TSPAN5: variants seen among roughly 807,000 people sequenced by gnomAD.
TSPAN5 encodes tetraspanin-5.
TSPAN5 carries 10 observed loss-of-function variants against 37.1 expected under a neutral mutation model. The observed-to-expected ratio is 0.27, with a 90% CI of 0.17 to 0.46. TSPAN5 has a LOEUF of 0.46. TSPAN5 is among the 20% of genes least tolerant of loss of function. The probability of loss-of-function intolerance (pLI) is 1.00; values close to 1 mark genes in which losing one functional copy is unlikely to be tolerated. For missense variants in TSPAN5, 195 were observed against 326.6 expected, an observed-to-expected ratio of 0.60 and a Z score of 3.11; for synonymous variants, 110 against 118.9, an observed-to-expected ratio of 0.93 and a Z score of 0.48.
chr4:98,576,539 A>C (rs999326947), intron 1 of TSPAN5, among the ~76,000 whole-genome samples: 1 of 152,128 alleles, frequency 6.6e-6, no homozygotes, highest in Non-Finnish European at 1.5e-5. Context: ...CAGAAGTTCG[A>C]GACCAGCTTG....
intron 1 of TSPAN5, among the ~76,000 whole-genome samples, chr4:98,621,855 C>T (rs898320175): frequency 4.1e-5 from 6 of 147,720 alleles, no homozygotes; most frequent in South Asian, 2.3e-4. Context: ...CTATTCTGTA[C>T]GTTTCATATA....
intron 1 of TSPAN5, among the ~76,000 whole-genome samples, chr4:98,614,300 T>TCCC (rs1404752048): frequency 1.3e-5 from 2 of 152,118 alleles, no homozygotes; most frequent in Non-Finnish European, 2.9e-5. Flanking sequence ...ACTCACAGGC[T>TCCC]CCCCCTCTTC....
rs62323630 is a variant in TSPAN5 at position 98,579,012 on chromosome 4, A to G, written c.82-71284T>C. Among the ~76,000 whole-genome samples, 311 of 152,246 alleles carry G rather than the reference A, an allele frequency of 2.0e-3. 2 individuals carry two copies. Among genetic ancestry groups the G allele is most frequent in the South Asian group, 4.6e-3 (22 of 4,818 alleles). On this transcript the variant is annotated intron_variant, in intron 1 of 7. Transcript: ENST00000305798. The stretch of plus-strand genomic sequence containing the variant: ...CCTGTGTGCATTAAAACATAGATAA[A>G]TATCCCCCATGTAGTTACTAATACC...
intron 1 of TSPAN5, among the ~76,000 whole-genome samples, chr4:98,627,845 G>T (rs933929090): frequency 6.6e-6 from 1 of 152,156 alleles, no homozygotes; most frequent in Non-Finnish European, 1.5e-5. Flanking sequence ...CTGCTGTTGT[G>T]AGCCAAAGAG....
rs934352994 is a variant in TSPAN5, at chr4:98,470,377, C to G, written c.*2145G>C. ...GAAAGACACACCATGTAAGGTAGAA[C>G]CAAGTTTATTAATGACAGCCTTTAT... On this transcript the variant is annotated 3_prime_UTR_variant, in exon 8 of 8. Coordinates refer to ENST00000305798, the MANE Select transcript of TSPAN5 (RefSeq NM_005723.4). 1 of 152,172 alleles carries G rather than the reference C, an allele frequency of 6.6e-6. No homozygotes were observed. Among genetic ancestry groups the G allele is most frequent in the African/African-American group, 2.4e-5 (1 of 41,422 alleles). The allele number at this position is 152,172 out of a possible 1,614,324, so 9.4% of individuals were successfully genotyped here. A position where few individuals can be genotyped will look rare whatever the true frequency, so the allele number is the denominator to read the frequency against.
At chr4:98,612,702 C>A (rs1756226984) in intron 1 of TSPAN5, among the ~76,000 whole-genome samples, 1 of 151,834 alleles carries the variant, frequency 6.6e-6, no homozygotes, top group African/African-American at 2.4e-5. Flanking sequence ...CCGCGGGGCT[C>A]CCCCCGCTCC....
chr4:98,653,651 C>G, intron 1 of TSPAN5, among the ~76,000 whole-genome samples: 1 of 152,170 alleles, frequency 6.6e-6, no homozygotes, highest in Middle Eastern at 3.4e-3. Context: ...CTGTATGGAA[C>G]CAGTATAAAA....
chr4:98,542,544 C>T (rs937296472), intron 1 of TSPAN5, among the ~76,000 whole-genome samples: 2 of 151,754 alleles, frequency 1.3e-5, no homozygotes, highest in Non-Finnish European at 2.9e-5. Flanking sequence ...AGCAAGACAC[C>T]CATTCTCTAC....
chr4:98,548,894 T>G (rs994117065), intron 1 of TSPAN5, among the ~76,000 whole-genome samples: 10 of 150,108 alleles, frequency 6.7e-5, no homozygotes, highest in Non-Finnish European at 1.2e-4. Flanking sequence ...AAGGTGTGTG[T>G]GTGTGTGTGT....
intron 7 of TSPAN5, among the ~76,000 whole-genome samples, chr4:98,472,921 A>G (rs1752619228): frequency 6.6e-6 from 1 of 152,180 alleles, no homozygotes; most frequent in African/African-American, 2.4e-5. Context: ...GACATTTCAT[A>G]TCAAGGGAAT....
At chr4:98,511,386 T>C (rs1466105082) in intron 1 of TSPAN5, among the ~76,000 whole-genome samples, 3 of 152,232 alleles carry the variant, frequency 2.0e-5, no homozygotes, top group Non-Finnish European at 4.4e-5. Context: ...CTAGGCTATA[T>C]GGTATAGCCT....
intron 2 of TSPAN5, among the ~76,000 whole-genome samples, chr4:98,504,167 T>C (rs990182097): frequency 6.6e-6 from 1 of 152,222 alleles, no homozygotes; most frequent in South Asian, 2.1e-4. Context: ...AATGTGTTTC[T>C]TCCAGTGGAA....
intron 1 of TSPAN5, among the ~76,000 whole-genome samples, chr4:98,582,254 T>C (rs1369993970): frequency 6.6e-6 from 1 of 152,246 alleles, no homozygotes; most frequent in Admixed American, 6.5e-5. Context: ...ATGTTGCGTT[T>C]GCTGGCTCTG....
At chr4:98,487,002 A>C (rs185242728) in intron 2 of TSPAN5, 118 bp from the exon 3 acceptor site, 4 of 922,836 alleles carry the variant, frequency 4.3e-6, no homozygotes, top group Non-Finnish European at 6.6e-6. Flanking sequence ...AGGGCATCTG[A>C]TTATCAGGTA....
intron 1 of TSPAN5, among the ~76,000 whole-genome samples, chr4:98,648,659 C>T (rs1021246836): frequency 2.6e-5 from 4 of 152,168 alleles, no homozygotes; most frequent in East Asian, 1.9e-4. Context: ...ATAAAATAGG[C>T]CACCTTTTTT....
intron 1 of TSPAN5, among the ~76,000 whole-genome samples, chr4:98,569,318 G>A (rs180794217): frequency 9.2e-5 from 14 of 152,288 alleles, no homozygotes; most frequent in African/African-American, 3.4e-4. Flanking sequence ...TTCCTGAACT[G>A]GGATAACACG....
chr4:98,636,565 G>A (rs745677336), intron 1 of TSPAN5, among the ~76,000 whole-genome samples: 5 of 152,124 alleles, frequency 3.3e-5, no homozygotes, highest in Non-Finnish European at 7.3e-5. Flanking sequence ...AACAATGCAA[G>A]TGAGAAATTA....
At chr4:98,563,942 C>A (rs1257446322) in intron 1 of TSPAN5, among the ~76,000 whole-genome samples, 1 of 152,170 alleles carries the variant, frequency 6.6e-6, no homozygotes, top group Non-Finnish European at 1.5e-5. Flanking sequence ...AATTACCTGG[C>A]CCACTACGTC....
At position 98,486,771 on chromosome 4, in the gene TSPAN5, T is replaced by G; in HGVS notation, c.246A>C (p.Gly82=). 6.2e-7 allele frequency: 1 copy of G among 1,613,908 alleles called. No homozygotes were observed. Among genetic ancestry groups the G allele is most frequent in the Non-Finnish European group, 8.5e-7 (1 of 1,179,998 alleles). ...MFILGFAGCI[G]ALRENTFLLK... Reference sequence around the variant, plus strand: ...GAAGGAAAGTGTTTTCCCGTAGCGCTCCAATGCACCCTGCAAATCCCAAAA... The same window carrying G: ...GAAGGAAAGTGTTTTCCCGTAGCGCGCCAATGCACCCTGCAAATCCCAAAA... Residue 82 remains glycine, a synonymous_variant, in exon 3 of 8, where the codon GGA becomes GGC. Coordinates refer to ENST00000305798, the MANE Select transcript of TSPAN5 (RefSeq NM_005723.4).
Sources: allele counts gnomAD v4.1 joint callset (sites outside exome capture counted in the v4.1 genomes callset), GRCh38; gene constraint gnomAD v4.1.1; transcripts MANE v1.5; gene names NCBI Gene and HGNC (gene_info 2026-07-23, HGNC 2026-07-21).